Variants in FEM1B observed in about 807,000 individuals in gnomAD.
FEM1B encodes protein fem-1 homolog B.
Under a neutral mutation model 38.6 loss-of-function variants are expected in FEM1B, and 10 were observed. The observed-to-expected ratio is 0.26, with a 90% CI of 0.16 to 0.44. The LOEUF is 0.44. Among genes scored for constraint, FEM1B ranks in the 20% least tolerant of loss-of-function variants. The probability of loss-of-function intolerance (pLI) is 1.00; values close to 1 mark genes in which losing one functional copy is unlikely to be tolerated. For synonymous variants in FEM1B, 288 were observed against 288.0 expected, an observed-to-expected ratio of 1.00 and a Z score of 0.00; for missense variants, 471 against 786.7, an observed-to-expected ratio of 0.60 and a Z score of 4.80.
chr15:68,278,369 G>A lies in FEM1B; in HGVS notation c.-49G>A. The A allele has an allele frequency of 6.3e-7, 1 of 1,576,348 alleles. No individual in the cohort carries two copies. The highest frequency in any genetic ancestry group is 8.6e-7 in the Non-Finnish European group (1 of 1,160,528). On this transcript the variant is annotated 5_prime_UTR_variant, in exon 1 of 2. Coordinates refer to ENST00000306917, the MANE Select transcript of FEM1B (RefSeq NM_015322.5). This position sits in a 1 kb window ranked among gnomAD's most constrained non-coding sequence, Gnocchi z 5.7. ...GCGAACGCGGCCTCCGGGGGCGCAC[G>A]GCAGCTGCAGCGGTGGCGACCAAAC...
Position 68,278,530 on chromosome 15 carries a change from A to C in FEM1B, c.113A>C (p.Tyr38Ser), listed in dbSNP as rs555522629. ...SESDIRYLLG[Y>S]VSQQGGQRST... ...AGCGACATCCGCTATCTGCTTGGCT[A>C]TGTCAGCCAGCAGGGAGGGCAGCGC... The change falls in exon 1 of 2, where the codon TAT becomes TCT. Residue 38 changes from tyrosine (Y) to serine (S), a missense_variant. Transcript: ENST00000306917. The surrounding 1 kb of genome is among the most constrained non-coding windows in gnomAD (Gnocchi z 5.7). 2 of 1,613,896 alleles carry C rather than the reference A, an allele frequency of 1.2e-6. No homozygotes were observed. The highest frequency in any genetic ancestry group is 1.7e-6 in the Non-Finnish European group (2 of 1,180,008).
chr15:68,289,943 T>A lies in FEM1B; in HGVS notation c.585T>A (p.Ala195=), dbSNP rs1252928320. ...HCGATALHFA[A]EAGHIDIVKE... is the part of the protein sequence containing the mutation. ...GAGCCACAGCATTGCACTTTGCAGC[T>A]GAAGCTGGGCACATAGATATTGTGA... The change falls in exon 2 of 2, where the codon GCT becomes GCA. Residue 195 remains alanine, a synonymous_variant. Transcript: ENST00000306917. This position sits in a 1 kb window ranked among gnomAD's most constrained non-coding sequence, Gnocchi z 6.9. 1 of 1,614,148 alleles carries A rather than the reference T, an allele frequency of 6.2e-7. No homozygotes were observed. The highest frequency in any genetic ancestry group is 8.5e-7 in the Non-Finnish European group (1 of 1,180,008).
rs1047134809 is a variant in FEM1B, at chr15:68,294,820, A to G, written c.*3578A>G. ...TTTCTCACTGACTATATAACATTAA[A>G]AAGGGGTTAAAGAAAACAAAACTCT... is the stretch of plus-strand genomic sequence containing the variant. On this transcript the variant is annotated 3_prime_UTR_variant, in exon 2 of 2. Transcript: ENST00000306917. The surrounding 1 kb of genome is among the most constrained non-coding windows in gnomAD (Gnocchi z 4.4). 3.3e-5 allele frequency: 5 copies of G among 152,196 alleles called. No homozygotes were observed. The highest frequency in any genetic ancestry group is 3.8e-4 in the East Asian group (2 of 5,202). The allele number at this position is 152,196 out of a possible 1,614,324, so 9.4% of individuals were successfully genotyped here.
chr15:68,283,174 A>G (rs1341943580), intron 1 of FEM1B, among the ~76,000 whole-genome samples: 3 of 152,138 alleles, frequency 2.0e-5, no homozygotes, highest in Admixed American at 6.5e-5. Context: ...CTCTTACATC[A>G]TAGATTCTGA....
rs1323782614 is a variant in FEM1B, at chr15:68,284,607, T to G, written c.249-5000T>G. 6.6e-6 allele frequency among the ~76,000 whole-genome samples: 1 copy of G among 152,218 alleles called. No homozygotes were observed. The highest frequency in any genetic ancestry group is 2.4e-5 in the African/African-American group (1 of 41,440). Reference sequence around the variant, plus strand: ...TTTTAATATGTTTACATCCATCTAGTCACTCTCTAGATCAATGTGTAGAAC... The same window carrying G: ...TTTTAATATGTTTACATCCATCTAGGCACTCTCTAGATCAATGTGTAGAAC... On this transcript the variant is annotated intron_variant, in intron 1 of 1. Transcript: ENST00000306917. This position sits in a 1 kb window ranked among gnomAD's most constrained non-coding sequence, Gnocchi z 4.4.
Position 68,292,858 on chromosome 15 carries a change from A to C in FEM1B, c.*1616A>C, listed in dbSNP as rs998230815. On this transcript the variant is annotated 3_prime_UTR_variant, in exon 2 of 2. Transcript: ENST00000306917. ...TACCCCACAAAATGAAATATTTTGA[A>C]GGATGGGAGGGGACAGAAGGGGGGA... 6.6e-6 allele frequency: 1 copy of C among 152,140 alleles called. No homozygotes were observed. The highest frequency in any genetic ancestry group is 6.5e-5 in the Admixed American group (1 of 15,276). The allele number at this position is 152,140 out of a possible 1,614,324, so 9.4% of individuals were successfully genotyped here. A position where few individuals can be genotyped will look rare whatever the true frequency, so the allele number is the denominator to read the frequency against.
Position 68,278,798 on chromosome 15 carries a change from C to A in FEM1B, c.248+133C>A. The A allele has an allele frequency of 2.0e-6, 2 of 999,150 alleles. No homozygotes were observed. The highest frequency in any genetic ancestry group is 3.0e-6 in the Non-Finnish European group (2 of 673,430). The allele number at this position is 999,150 out of a possible 1,614,324, so 61.9% of individuals were successfully genotyped here. On this transcript the variant is annotated intron_variant, in intron 1 of 1. Transcript: ENST00000306917. This position sits in a 1 kb window ranked among gnomAD's most constrained non-coding sequence, Gnocchi z 5.7. ...TCTCCCCTTTTTGTACCACCTCCTG[C>A]CCCACTAATGCCCACTTCATCTTCC...
rs541893848 is a variant in FEM1B at position 68,292,878 on chromosome 15, G to T, written c.*1636G>T. 1 of 152,060 alleles carries T rather than the reference G, an allele frequency of 6.6e-6. No individual in the cohort carries two copies. Among genetic ancestry groups the T allele is most frequent in the Non-Finnish European group, 1.5e-5 (1 of 67,974 alleles). The allele number at this position is 152,060 out of a possible 1,614,324, so 9.4% of individuals were successfully genotyped here. A position where few individuals can be genotyped will look rare whatever the true frequency, so the allele number is the denominator to read the frequency against. ...TTTGAAGGATGGGAGGGGACAGAAG[G>T]GGGGACTATCCCCCAAGGATGCAAG... On this transcript the variant is annotated 3_prime_UTR_variant, in exon 2 of 2. Coordinates refer to ENST00000306917, the MANE Select transcript of FEM1B (RefSeq NM_015322.5).
At chr15:68,279,912 G>A (rs1344289316) in intron 1 of FEM1B, 4 of 152,074 alleles carry the variant, frequency 2.6e-5, no homozygotes. Context: ...CCTGATTCAT[G>A]TTTGCTTTTC....
At position 68,293,737 on chromosome 15, in the gene FEM1B, G is replaced by GT. The variant is rs1286222606; in HGVS notation, c.*2502dup. 1 of 151,876 alleles carries GT rather than the reference G, an allele frequency of 6.6e-6. No homozygotes were observed. Among genetic ancestry groups the GT allele is most frequent in the East Asian group, 1.9e-4 (1 of 5,186 alleles). 9.4% of individuals were successfully genotyped at this position (151,876 alleles called of 1,614,324 possible). On this transcript the variant is annotated 3_prime_UTR_variant, in exon 2 of 2. Coordinates refer to ENST00000306917, the MANE Select transcript of FEM1B (RefSeq NM_015322.5). The surrounding 1 kb of genome is among the most constrained non-coding windows in gnomAD (Gnocchi z 5.8). ...TTTGAAATAAGTGATCTACATGCCT[G>GT]TTTTTTTAAAATGTTTTTGGTAGAA... is the stretch of plus-strand genomic sequence containing the variant.
chr15:68,290,359 G>A lies in FEM1B; in HGVS notation c.1001G>A (p.Arg334Gln), dbSNP rs1444999383. ...LHMEGLIVRE[R>Q]ILGADNIDVS... The stretch of plus-strand genomic sequence containing the variant: ...ATGGAAGGCCTTATAGTTCGGGAAC[G>A]GATTTTAGGTGCTGACAATATTGAT... Residue 334 changes from arginine to glutamine, a missense_variant, in exon 2 of 2, where the codon CGG (arginine) becomes CAG (glutamine). Transcript: ENST00000306917. The surrounding 1 kb of genome is among the most constrained non-coding windows in gnomAD (Gnocchi z 9.7). 2 of 1,614,148 alleles carry A rather than the reference G, an allele frequency of 1.2e-6. No individual in the cohort carries two copies. Among genetic ancestry groups the A allele is most frequent in the South Asian group, 1.1e-5 (1 of 91,078 alleles).
intron 1 of FEM1B, among the ~76,000 whole-genome samples, chr15:68,282,886 G>T (rs1892743277): frequency 6.6e-6 from 1 of 152,124 alleles, no homozygotes; most frequent in Admixed American, 6.5e-5. Context: ...TTAATATTTT[G>T]ATTTAGATGT....
intron 1 of FEM1B, among the ~76,000 whole-genome samples, chr15:68,282,652 G>T (rs1892741916): frequency 2.0e-5 from 3 of 152,172 alleles, no homozygotes. Context: ...ATACATAATA[G>T]AGAACTTGCA....
At position 68,291,937 on chromosome 15, in the gene FEM1B, T is replaced by C. The variant is rs1892851896; in HGVS notation, c.*695T>C. The C allele has an allele frequency of 6.6e-6, 1 of 152,254 alleles. No individual in the cohort carries two copies. The highest frequency in any genetic ancestry group is 2.4e-5 in the African/African-American group (1 of 41,484). The allele number at this position is 152,254 out of a possible 1,614,324, so 9.4% of individuals were successfully genotyped here. On this transcript the variant is annotated 3_prime_UTR_variant, in exon 2 of 2. Transcript: ENST00000306917. The surrounding 1 kb of genome is among the most constrained non-coding windows in gnomAD (Gnocchi z 6.9). ...AAACCAACTTTTCAGAGAATCTTGA[T>C]GGACTCTGCCTTTAGGCTTGAATTC...
In FEM1B at chr15:68,291,131, T is replaced by C. The variant is rs111662065; in HGVS notation, c.1773T>C (p.Thr591=). The C allele has an allele frequency of 6.2e-7, 1 of 1,614,052 alleles. No individual in the cohort carries two copies. Among genetic ancestry groups the C allele is most frequent in the African/African-American group, 1.3e-5 (1 of 75,032 alleles). The part of the protein sequence containing the change: ...TTGVSEILLK[T]QMKMSLKCLA... ...GGGTATCTGAAATACTGCTTAAAAC[T>C]CAAATGAAGATGAGTCTCAAGTGCC... The change falls in exon 2 of 2, where the codon ACT becomes ACC. Residue 591 remains threonine, a synonymous_variant. Transcript: ENST00000306917. The surrounding 1 kb of genome is among the most constrained non-coding windows in gnomAD (Gnocchi z 6.9).
In FEM1B at chr15:68,278,294, G is replaced by GCGA; in HGVS notation, c.-121_-119dup. 7.6e-7 allele frequency: 1 copy of GCGA among 1,311,438 alleles called. No homozygotes were observed. The highest frequency in any genetic ancestry group is 1.0e-6 in the Non-Finnish European group (1 of 977,450). 81.2% of individuals were successfully genotyped at this position (1,311,438 alleles called of 1,614,324 possible). On this transcript the variant is annotated 5_prime_UTR_variant, in exon 1 of 2. Coordinates refer to ENST00000306917, the MANE Select transcript of FEM1B (RefSeq NM_015322.5). This position sits in a 1 kb window ranked among gnomAD's most constrained non-coding sequence, Gnocchi z 5.7. ...GCACTGCTGCCTGGGCGCGGCGGCGGCGACGGCGCCCTGTTGAATGGGCTG... is the reference window on the plus strand; with the variant it reads ...GCACTGCTGCCTGGGCGCGGCGGCGGCGACGACGGCGCCCTGTTGAATGGGCTG...
rs746155763 is a variant in FEM1B, at chr15:68,281,649, G to T, written c.248+2984G>T. 6.6e-6 allele frequency among the ~76,000 whole-genome samples: 1 copy of T among 151,818 alleles called. No individual in the cohort carries two copies. The highest frequency in any genetic ancestry group is 2.4e-5 in the African/African-American group (1 of 41,252). Reference sequence around the variant, plus strand: ...CTTTTTTTTTTTGAGACGGAGTCTCGCTCTGTCGCCGGGGCTGGAGTGCAG... The same window carrying T: ...CTTTTTTTTTTTGAGACGGAGTCTCTCTCTGTCGCCGGGGCTGGAGTGCAG... On this transcript the variant is annotated intron_variant, in intron 1 of 1. Coordinates refer to ENST00000306917, the MANE Select transcript of FEM1B (RefSeq NM_015322.5). The surrounding 1 kb of genome is among the most constrained non-coding windows in gnomAD (Gnocchi z 5.1).
chr15:68,293,836 A>G lies in FEM1B; in HGVS notation c.*2594A>G, dbSNP rs547815009. The stretch of plus-strand genomic sequence containing the variant: ...TTAAAAAAGGAAAATAGGTAAGAAA[A>G]TGATAGTTCTATATCTCAGCCCTCT... On this transcript the variant is annotated 3_prime_UTR_variant, in exon 2 of 2. Transcript: ENST00000306917. This position sits in a 1 kb window ranked among gnomAD's most constrained non-coding sequence, Gnocchi z 5.8. 6.6e-6 allele frequency: 1 copy of G among 152,236 alleles called. No individual in the cohort carries two copies. The highest frequency in any genetic ancestry group is 1.9e-4 in the East Asian group (1 of 5,184). 9.4% of individuals were successfully genotyped at this position (152,236 alleles called of 1,614,324 possible). A position where few individuals can be genotyped will look rare whatever the true frequency, so the allele number is the denominator to read the frequency against.
intron 1 of FEM1B, among the ~76,000 whole-genome samples, chr15:68,279,193 GA>G (rs1429698285): frequency 6.6e-6 from 1 of 152,218 alleles, no homozygotes; most frequent in African/African-American, 2.4e-5. Context: ...CATCATGAGG[GA>G]TTGTCACGCA....
Sources: allele counts gnomAD v4.1 joint callset (sites outside exome capture counted in the v4.1 genomes callset), GRCh38; gene constraint gnomAD v4.1.1; non-coding constraint Gnocchi (gnomAD v3.1); transcripts MANE v1.5; gene names NCBI Gene and HGNC (gene_info 2026-07-23, HGNC 2026-07-21).